The following CCND3 variants were observed in gnomAD, a reference collection of about 807,000 sequenced individuals.
CCND3 encodes G1/S-specific cyclin-D3.
In CCND3, 9 loss-of-function variants were observed where a neutral mutation model predicts 28.7. The observed-to-expected ratio is 0.31, with a 90% CI of 0.19 to 0.55. CCND3 has a LOEUF of 0.55. Among genes scored for constraint, CCND3 ranks in the 20% least tolerant of loss-of-function variants. The pLI is 0.93. For synonymous variants in CCND3, 164 were observed against 163.9 expected, an observed-to-expected ratio of 1.00 and a Z score of 0.00; for missense variants, 315 against 385.8, an observed-to-expected ratio of 0.82 and a Z score of 1.54.
chr6:42,038,406 G>A (rs188066939), intron 1 of CCND3, among the ~76,000 whole-genome samples: 1 of 152,136 alleles, frequency 6.6e-6, no homozygotes, highest in African/African-American at 2.4e-5. Context: ...TGGGCGTGGT[G>A]GCTTGTGCCT....
intron 1 of CCND3, among the ~76,000 whole-genome samples, chr6:41,951,571 C>CAAAAA (rs1475224252): frequency 1.0e-4 from 8 of 78,624 alleles, no homozygotes; most frequent in South Asian, 5.2e-4. Flanking sequence ...CACACACACA[C>CAAAAA]ACACAAAAAA....
At chr6:42,041,184 G>T (rs1178395317) in intron 1 of CCND3, among the ~76,000 whole-genome samples, 2 of 152,188 alleles carry the variant, frequency 1.3e-5, no homozygotes, top group Non-Finnish European at 2.9e-5. Context: ...AAGAAACAGG[G>T]GGGAGGAAAA....
At chr6:41,978,371 CA>C (rs575675626) in intron 1 of CCND3, among the ~76,000 whole-genome samples, 2,421 of 127,958 alleles carry the variant, frequency 0.019, 42 homozygotes, top group African/African-American at 0.06. Context: ...GACTCCATCT[CA>C]AAAAAAAAAA....
chr6:41,936,624 C>A lies in CCND3; in HGVS notation c.646G>T (p.Gly216Cys), dbSNP rs201272551. 1 of 1,614,054 alleles carries A rather than the reference C, an allele frequency of 6.2e-7. No individual in the cohort carries two copies. The highest frequency in any genetic ancestry group is 1.3e-5 in the African/African-American group (1 of 74,926). Reference sequence around the variant, plus strand: ...TCATCCCCGGACATGGAGCAGGCACCCAGGCCTTGCACTGCAGCCCCAATG... The same window carrying A: ...TCATCCCCGGACATGGAGCAGGCACACAGGCCTTGCACTGCAGCCCCAATG... ...GSIGAAVQGL[G>C]ACSMSGDELT... is the part of the protein sequence containing the mutation. The change falls in exon 4 of 5, where the codon GGT (glycine) becomes TGT (cysteine). Residue 216 changes from glycine (G) to cysteine (C), a missense_variant. By Grantham distance (159) the Gly-to-Cys change is radical. Coordinates refer to ENST00000372991, the MANE Select transcript of CCND3 (RefSeq NM_001760.5). The surrounding 1 kb of genome is among the most constrained non-coding windows in gnomAD (Gnocchi z 4.4).
chr6:42,032,130 G>C (rs1368081887), intron 1 of CCND3, among the ~76,000 whole-genome samples: 1 of 151,898 alleles, frequency 6.6e-6, no homozygotes. Flanking sequence ...CTGTCACACA[G>C]GCTGCAATGC....
intron 1 of CCND3, among the ~76,000 whole-genome samples, chr6:42,040,052 G>A (rs1292837962): frequency 6.6e-6 from 1 of 152,240 alleles, no homozygotes; most frequent in African/African-American, 2.4e-5. Flanking sequence ...AGGGAACCCA[G>A]TGTAATCTCA....
intron 1 of CCND3, among the ~76,000 whole-genome samples, chr6:41,951,080 G>A (rs950998464): frequency 1.3e-5 from 2 of 152,040 alleles, no homozygotes; most frequent in African/African-American, 2.4e-5. Flanking sequence ...GGAATCCTAA[G>A]ATGTCATGAA....
intron 1 of CCND3, among the ~76,000 whole-genome samples, chr6:42,004,080 G>GTA (rs1488426047): frequency 4.7e-5 from 7 of 150,020 alleles, no homozygotes; most frequent in Non-Finnish European, 1.0e-4. Flanking sequence ...GTGTGTGTGT[G>GTA]TGTGTGTGTA....
Position 41,941,460 on chromosome 6 carries a change from T to C in CCND3, c.190A>G (p.Met64Val). 1.2e-6 allele frequency: 2 copies of C among 1,608,256 alleles called. No individual in the cohort carries two copies. The highest frequency in any genetic ancestry group is 1.7e-6 in the Non-Finnish European group (2 of 1,178,658). Residue 64 changes from methionine (M) to valine (V), a missense_variant, in exon 1 of 5, where the codon ATG becomes GTG. Physicochemically the swap from Met to Val is conservative, Grantham distance 21 (BLOSUM62 1). Coordinates refer to ENST00000372991, the MANE Select transcript of CCND3 (RefSeq NM_001760.5). The surrounding 1 kb of genome is among the most constrained non-coding windows in gnomAD (Gnocchi z 6.1). ...PHMRKMLAYWMLEVCEEQRCE... is the reference protein window; with the variant it reads ...PHMRKMLAYWVLEVCEEQRCE... ...ACGCGTCCGGGCGGTACCTCCAGCA[T>C]CCAGTAAGCCAGCATCTTCCGCATG...
At chr6:42,034,450 CT>C (rs1311889233) in intron 1 of CCND3, among the ~76,000 whole-genome samples, 1 of 144,200 alleles carries the variant, frequency 6.9e-6, no homozygotes, top group African/African-American at 2.6e-5. Flanking sequence ...GCCACCGTGC[CT>C]GGCCAACCCT....
At chr6:42,011,074 G>GTGAATGAATGAATGAATGAA (rs35481277) in intron 1 of CCND3, 2 of 150,318 alleles carry the variant, frequency 1.3e-5, no homozygotes, top group East Asian at 2.0e-4. Context: ...ACAACTGGTA[G>GTGAATGAATGAATGAATGAA]TGAATGAATG....
At chr6:41,988,821 C>A (rs966767478) in intron 1 of CCND3, among the ~76,000 whole-genome samples, 1 of 150,782 alleles carries the variant, frequency 6.6e-6, no homozygotes. Flanking sequence ...GCCTGAGGCT[C>A]CCGAATAGCT....
At position 42,048,620 on chromosome 6, in the gene CCND3, A is replaced by T. The variant is rs1412943084; in HGVS notation, c.-165T>A. On this transcript the variant is annotated 5_prime_UTR_variant, in exon 1 of 5. Transcript: ENST00000372988. The surrounding 1 kb of genome is among the most constrained non-coding windows in gnomAD (Gnocchi z 4.7). Reference sequence around the variant, plus strand: ...CGCAACCACCAGCCGCGAGGAGAGGATTGCACCTCTCCCCCCCGGCCGGCA... The same window carrying T: ...CGCAACCACCAGCCGCGAGGAGAGGTTTGCACCTCTCCCCCCCGGCCGGCA... The T allele has an allele frequency of 1.9e-6, 1 of 517,428 alleles. No homozygotes were observed. The highest frequency in any genetic ancestry group is 5.5e-5 in the East Asian group (1 of 18,282). 32.1% of individuals were successfully genotyped at this position (517,428 alleles called of 1,614,324 possible).
At position 42,028,970 on chromosome 6, in the gene CCND3, G is replaced by A. The variant is rs570342987; in HGVS notation, c.-46+19531C>T. Among the ~76,000 whole-genome samples the A allele has an allele frequency of 3.9e-3, 468 of 118,646 alleles. 2 individuals are homozygous for A. The highest frequency in any genetic ancestry group is 0.017 in the African/African-American group (453 of 26,374). The allele number at this position is 118,646 out of a possible 152,430, so 77.8% of individuals were successfully genotyped here. On this transcript the variant is annotated intron_variant, in intron 1 of 4. Coordinates refer to the CCND3 transcript ENST00000372988. ...TGCTCTGTCACCACCACCTTGAAACGGTTTTTTTTTTTTTTTCCTAAGAGA... is the reference window on the plus strand; with the variant it reads ...TGCTCTGTCACCACCACCTTGAAACAGTTTTTTTTTTTTTTTCCTAAGAGA...
chr6:41,972,897 T>C (rs9381103), intron 1 of CCND3, among the ~76,000 whole-genome samples: 1 of 149,030 alleles, frequency 6.7e-6, no homozygotes, highest in Admixed American at 6.7e-5. Context: ...ATTAAAAATA[T>C]ATATATATAT....
chr6:41,967,779 T>C (rs1234479639), intron 1 of CCND3, among the ~76,000 whole-genome samples: 1 of 152,210 alleles, frequency 6.6e-6, no homozygotes, highest in African/African-American at 2.4e-5. Flanking sequence ...CTGTTAACTA[T>C]GCAGCTGCGT....
rs1775967296 is a variant in CCND3, at chr6:41,940,568, G to A, written c.216C>T (p.Arg72=). 6.2e-7 allele frequency: 1 copy of A among 1,613,050 alleles called. No homozygotes were observed. Among genetic ancestry groups the A allele is most frequent in the African/African-American group, 1.3e-5 (1 of 74,822 alleles). Residue 72 remains arginine (R), a synonymous_variant, in exon 2 of 5, where the codon CGC becomes CGT. Coordinates refer to ENST00000372991, the MANE Select transcript of CCND3 (RefSeq NM_001760.5). The part of the protein sequence containing the change: ...YWMLEVCEEQ[R]CEEEVFPLAM... Reference sequence around the variant, plus strand: ...CCAGGGGGAAGACTTCCTCCTCACAGCGCTGCTCCTCACATACCTGGGGGA... The same window carrying A: ...CCAGGGGGAAGACTTCCTCCTCACAACGCTGCTCCTCACATACCTGGGGGA...
At chr6:42,000,234 C>CGT (rs1762951898) in intron 1 of CCND3, among the ~76,000 whole-genome samples, 3 of 51,032 alleles carry the variant, frequency 5.9e-5, no homozygotes, top group Non-Finnish European at 9.5e-5. Context: ...TGAAAACATA[C>CGT]TTTTTTTTTT....
Position 41,941,510 on chromosome 6 carries a change from C to A in CCND3, c.140G>T (p.Cys47Phe). 1.2e-6 allele frequency: 2 copies of A among 1,608,044 alleles called. No homozygotes were observed. Among genetic ancestry groups the A allele is most frequent in the Non-Finnish European group, 1.7e-6 (2 of 1,178,714 alleles). The change falls in exon 1 of 5, where the codon TGC (cysteine) becomes TTC (phenylalanine). Residue 47 changes from cysteine (C) to phenylalanine (F), a missense_variant. Transcript: ENST00000372991. This position sits in a 1 kb window ranked among gnomAD's most constrained non-coding sequence, Gnocchi z 6.1. ...GTGCGGCTTGATCTCCCGCTGCACGCACTGGAAGTAGGAGGCGCGGGGTAC... is the reference window on the plus strand; with the variant it reads ...GTGCGGCTTGATCTCCCGCTGCACGAACTGGAAGTAGGAGGCGCGGGGTAC... ...RYVPRASYFQCVQREIKPHMR... is the reference protein window; with the variant it reads ...RYVPRASYFQFVQREIKPHMR...
Sources: allele counts gnomAD v4.1 joint callset (sites outside exome capture counted in the v4.1 genomes callset), GRCh38; gene constraint gnomAD v4.1.1; non-coding constraint Gnocchi (gnomAD v3.1); transcripts MANE v1.5; gene names NCBI Gene and HGNC (gene_info 2026-07-23, HGNC 2026-07-21).